Variants in STON1 observed in about 807,000 individuals in gnomAD.
STON1 encodes the protein stonin-1.
STON1 carries 79 observed loss-of-function variants against 60.9 expected under a neutral mutation model. That is an observed-to-expected ratio of 1.30 (90% CI 1.08 to 1.56). The LOEUF (loss-of-function observed/expected upper bound fraction) is 1.56. STON1 is among the 40% of genes most tolerant of loss of function. STON1 has a pLI of 0.00. For missense variants in STON1, 1,166 were observed against 858.9 expected (o/e 1.36, Z -4.47); for synonymous variants, 363 against 306.9 (o/e 1.18, Z -1.91).
At chr2:48,571,814 A>G (rs189195296) in intron 1 of STON1, among the ~76,000 whole-genome samples, 7 of 152,310 alleles carry the variant, frequency 4.6e-5, no homozygotes, top group Non-Finnish European at 7.4e-5. Flanking sequence ...GAATAGAAAG[A>G]TGAAGTCATA....
intron 3 of STON1, among the ~76,000 whole-genome samples, chr2:48,594,620 A>G (rs1331743764): frequency 6.6e-6 from 1 of 152,168 alleles, no homozygotes; most frequent in Non-Finnish European, 1.5e-5. Flanking sequence ...AGGTAATAAA[A>G]TAGGGTAACG....
At position 48,595,376 on chromosome 2, in the gene STON1, C is replaced by T. The variant is rs958833081; in HGVS notation, c.*74C>T. The T allele has an allele frequency of 2.2e-6, 3 of 1,334,536 alleles. No homozygotes were observed. Among genetic ancestry groups the T allele is most frequent in the Non-Finnish European group, 3.2e-6 (3 of 937,056 alleles). The allele number at this position is 1,334,536 out of a possible 1,614,324, so 82.7% of individuals were successfully genotyped here. ...ACCGAAACCACACCAAGTCCTGCTA[C>T]TGTAGAGTGGAAATGACTTCTGAAT... On this transcript the variant is annotated 3_prime_UTR_variant, in exon 4 of 4. Transcript: ENST00000404752.
chr2:48,555,279 C>G (rs1175803997), intron 1 of STON1, among the ~76,000 whole-genome samples: 1 of 101,302 alleles, frequency 9.9e-6, no homozygotes, highest in Non-Finnish European at 2.1e-5. Context: ...GGCAGAGGCG[C>G]CCCTCACCTC....
chr2:48,579,095 C>G (rs1255880023), intron 1 of STON1, among the ~76,000 whole-genome samples: 2 of 151,758 alleles, frequency 1.3e-5, no homozygotes, highest in Non-Finnish European at 1.5e-5. Flanking sequence ...CCTCTGCCTC[C>G]CGGGCTCAAG....
chr2:48,556,785 C>T lies in STON1; in HGVS notation c.-47-23802C>T, dbSNP rs1200999669. ...CTCCCTCCTGGACGGCACGGCTGCC[C>T]GGGCGGGGGGGCTGACCCCCCACCT... On this transcript the variant is annotated intron_variant, in intron 1 of 3. Transcript: ENST00000404752. 2.4e-3 allele frequency among the ~76,000 whole-genome samples: 141 copies of T among 59,238 alleles called. 13 individuals are homozygous for T. The highest frequency in any genetic ancestry group is 0.011 in the African/African-American group (126 of 11,898). The allele number at this position is 59,238 out of a possible 152,430, so 38.9% of individuals were successfully genotyped here.
chr2:48,585,686 G>A (rs1572640732), intron 2 of STON1, among the ~76,000 whole-genome samples: 1 of 152,338 alleles, frequency 6.6e-6, no homozygotes, highest in East Asian at 1.9e-4. Flanking sequence ...TTTTAGGTTA[G>A]AGGGTTTAAA....
rs6741829 is a variant in STON1 at position 48,589,162 on chromosome 2, G to A, written c.1931-2491G>A. On this transcript the variant is annotated intron_variant, in intron 2 of 3. Coordinates refer to ENST00000404752, the MANE Select transcript of STON1 (RefSeq NM_006873.4). ...TTTTCTTCTGCCCTGTCATCAGCAC[G>A]TTGGTTGCTCTCTCCTCCTCCACTC... 3.6e-3 allele frequency among the ~76,000 whole-genome samples: 545 copies of A among 152,210 alleles called. 4 individuals carry two copies. The highest frequency in any genetic ancestry group is 0.012 in the African/African-American group (495 of 41,512).
chr2:48,547,864 G>C (rs914179665), intron 1 of STON1, among the ~76,000 whole-genome samples: 2 of 152,232 alleles, frequency 1.3e-5, no homozygotes. Flanking sequence ...CATTGGAAGA[G>C]TTTACGCAGC....
intron 1 of STON1, among the ~76,000 whole-genome samples, chr2:48,535,481 A>ATCTGAT (rs1671387666): frequency 1.3e-5 from 2 of 152,090 alleles, no homozygotes; most frequent in Non-Finnish European, 2.9e-5. Context: ...TGTGGAAGGT[A>ATCTGAT]CCTTGAGATC....
chr2:48,553,325 A>T (rs1672178058), intron 1 of STON1, among the ~76,000 whole-genome samples: 1 of 152,064 alleles, frequency 6.6e-6, no homozygotes, highest in Non-Finnish European at 1.5e-5. Context: ...AGGCAGCTTC[A>T]GGGGGCAAAT....
At chr2:48,546,823 C>T (rs1671882109) in intron 1 of STON1, among the ~76,000 whole-genome samples, 1 of 152,166 alleles carries the variant, frequency 6.6e-6, no homozygotes, top group East Asian at 1.9e-4. Flanking sequence ...GCTTTGGCCT[C>T]CCAAAATGTG....
At position 48,556,794 on chromosome 2, in the gene STON1, G is replaced by T. The variant is rs557117572; in HGVS notation, c.-47-23793G>T. Among the ~76,000 whole-genome samples the T allele has an allele frequency of 2.0e-4, 13 of 63,906 alleles. 2 individuals are homozygous for T. The highest frequency in any genetic ancestry group is 9.2e-4 in the African/African-American group (12 of 13,106). 41.9% of individuals were successfully genotyped at this position (63,906 alleles called of 152,430 possible). On this transcript the variant is annotated intron_variant, in intron 1 of 3. Transcript: ENST00000404752. ...GGACGGCACGGCTGCCCGGGCGGGG[G>T]GGCTGACCCCCCACCTCCCTCCCGG...
chr2:48,546,454 A>G (rs1671870357), intron 1 of STON1, among the ~76,000 whole-genome samples: 1 of 152,154 alleles, frequency 6.6e-6, no homozygotes, highest in Non-Finnish European at 1.5e-5. Flanking sequence ...TGTTTCCATG[A>G]GGTGTTTGGA....
chr2:48,596,233 A>T lies in STON1; in HGVS notation c.*931A>T, dbSNP rs1156859339. 1 of 152,194 alleles carries T rather than the reference A, an allele frequency of 6.6e-6. No individual in the cohort carries two copies. The highest frequency in any genetic ancestry group is 2.1e-4 in the South Asian group (1 of 4,834). 9.4% of individuals were successfully genotyped at this position (152,194 alleles called of 1,614,324 possible). On this transcript the variant is annotated 3_prime_UTR_variant, in exon 4 of 4. Coordinates refer to ENST00000404752, the MANE Select transcript of STON1 (RefSeq NM_006873.4). ...ATTATTTTATACTAGTTCTGCTATC[A>T]TGCTGTTTTATGCTAATTCTGCTTA... is the stretch of plus-strand genomic sequence containing the variant.
chr2:48,581,816 G>C lies in STON1; in HGVS notation c.1183G>C (p.Glu395Gln), dbSNP rs183559440. The change falls in exon 2 of 4, where the codon GAG becomes CAG. Residue 395 changes from glutamate (E) to glutamine (Q), a missense_variant. Transcript: ENST00000404752. ...DFLDFLTTVE[E>Q]ELMKLPAVSK... ...CCTTGACTTTCTGACTACTGTGGAG[G>C]AGGAGCTGATGAAGTTGCCAGCTGT... The C allele has an allele frequency of 6.2e-6, 10 of 1,614,088 alleles. No homozygotes were observed. Among genetic ancestry groups the C allele is most frequent in the Non-Finnish European group, 8.5e-6 (10 of 1,180,046 alleles).
chr2:48,591,761 C>G lies in STON1; in HGVS notation c.2039C>G (p.Thr680Ser). ...ACTGTTCAGTTTTCCGTGCCTGACA[C>G]CTGTGCCTCAAGGACAGAGGTCAGG... ...FATVQFSVPD[T>S]CASRTEVRSL... Residue 680 changes from threonine (T) to serine (S), a missense_variant, in exon 3 of 4, where the codon ACC becomes AGC. By Grantham distance (58) the Thr-to-Ser change is moderately conservative. Coordinates refer to ENST00000404752, the MANE Select transcript of STON1 (RefSeq NM_006873.4). 1.9e-6 allele frequency: 3 copies of G among 1,614,188 alleles called. No homozygotes were observed. Among genetic ancestry groups the G allele is most frequent in the Non-Finnish European group, 2.5e-6 (3 of 1,180,036 alleles).
chr2:48,565,139 G>A (rs1365698762), intron 1 of STON1, among the ~76,000 whole-genome samples: 2 of 138,874 alleles, frequency 1.4e-5, no homozygotes, highest in East Asian at 2.2e-4. Context: ...TGCAAGCTCC[G>A]CCTCCCAGGT....
rs750022640 is a variant in STON1, at chr2:48,581,562, A to G, written c.929A>G (p.Tyr310Cys). 1.2e-5 allele frequency: 20 copies of G among 1,614,244 alleles called. No individual in the cohort carries two copies. Among genetic ancestry groups the G allele is most frequent in the Middle Eastern group, 1.6e-4 (1 of 6,062 alleles). Reference sequence around the variant, plus strand: ...TTGCCTGGAGGAATTTTGCAGATGTATTATGAACAGGGATTAGAAAAACCA... The same window carrying G: ...TTGCCTGGAGGAATTTTGCAGATGTGTTATGAACAGGGATTAGAAAAACCA... ...KVLPGGILQM[Y>C]YEQGLEKPFK... Residue 310 changes from tyrosine (Y) to cysteine (C), a missense_variant, in exon 2 of 4, where the codon TAT becomes TGT. Transcript: ENST00000404752.
chr2:48,567,649 C>T (rs1206449839), intron 1 of STON1, among the ~76,000 whole-genome samples: 3 of 152,142 alleles, frequency 2.0e-5, no homozygotes, highest in South Asian at 2.1e-4. Context: ...GTGATCTGCC[C>T]GCCTCGGCCT....
Sources: gnomAD v4.1 joint callset for allele counts (sites outside exome capture counted in the v4.1 genomes callset) on GRCh38, gnomAD v4.1.1 for gene constraint, MANE v1.5 for transcripts, NCBI Gene and HGNC (gene_info 2026-07-23, HGNC 2026-07-21) for gene names.